The following TRAM2 variants were observed in gnomAD, a reference collection of about 807,000 sequenced individuals.
TRAM2 encodes translocating chain-associated membrane protein 2.
A neutral mutation model predicts 51.0 loss-of-function variants in TRAM2; 12 were observed. The observed-to-expected ratio is 0.24, with a 90% CI of 0.15 to 0.38. The LOEUF (loss-of-function observed/expected upper bound fraction) is 0.38, where lower values mean the gene tolerates loss of function less well. TRAM2 is among the 10% of genes least tolerant of loss of function. TRAM2 has a pLI of 1.00. For missense variants in TRAM2, 361 were observed against 462.0 expected (o/e 0.78, Z 2.00); for synonymous variants, 175 against 179.4 (o/e 0.98, Z 0.20).
chr6:52,534,457 T>C (rs1766945118), intron 2 of TRAM2, among the ~76,000 whole-genome samples: 1 of 152,208 alleles, frequency 6.6e-6, no homozygotes, highest in Admixed American at 6.5e-5. Context: ...GTCCTTCCTT[T>C]GTTCATCAAG....
chr6:52,561,916 T>A (rs1191359199), intron 1 of TRAM2, among the ~76,000 whole-genome samples: 1 of 152,216 alleles, frequency 6.6e-6, no homozygotes, highest in African/African-American at 2.4e-5. Context: ...CAAACAGGTT[T>A]CTTTTGAAGA....
chr6:52,522,863 AT>A (rs1445447533), intron 2 of TRAM2: 1 of 701,274 alleles, frequency 1.4e-6, no homozygotes, highest in Non-Finnish European at 2.6e-6. Flanking sequence ...ACTAATAGAT[AT>A]TTTCCTGTTT....
intron 1 of TRAM2, among the ~76,000 whole-genome samples, chr6:52,562,320 G>A (rs1464392828): frequency 6.6e-6 from 1 of 152,182 alleles, no homozygotes; most frequent in Non-Finnish European, 1.5e-5. Flanking sequence ...GGAGAAAGGA[G>A]GGCTTTCCAG....
chr6:52,569,390 A>T (rs1402308466), intron 1 of TRAM2, among the ~76,000 whole-genome samples: 8 of 1,064 alleles, frequency 7.5e-3, no homozygotes, highest in African/African-American at 0.024. Context: ...ACTCCATTTA[A>T]AAAAAAAAAA....
At chr6:52,570,679 C>T (rs937767942) in intron 1 of TRAM2, among the ~76,000 whole-genome samples, 2 of 152,006 alleles carry the variant, frequency 1.3e-5, no homozygotes, top group Admixed American at 6.6e-5. Flanking sequence ...ATGAGGAAAG[C>T]CGTCACGAGG....
chr6:52,515,592 C>A (rs781247777), intron 4 of TRAM2, among the ~76,000 whole-genome samples: 6 of 152,238 alleles, frequency 3.9e-5, no homozygotes, highest in South Asian at 4.1e-4. Context: ...CACAGAACCA[C>A]AGGCATACTG....
At chr6:52,512,259 G>A (rs1345708690) in intron 4 of TRAM2, among the ~76,000 whole-genome samples, 1 of 152,154 alleles carries the variant, frequency 6.6e-6, no homozygotes, top group African/African-American at 2.4e-5. Context: ...AAACAGGAAC[G>A]CTCCTTGGCT....
intron 7 of TRAM2, among the ~76,000 whole-genome samples, chr6:52,506,396 G>A (rs975655839): frequency 6.6e-5 from 10 of 152,256 alleles, no homozygotes; most frequent in African/African-American, 1.7e-4. Context: ...AGCAAACCTC[G>A]CATAGGCCCT....
intron 2 of TRAM2, among the ~76,000 whole-genome samples, chr6:52,522,348 C>G (rs375883159): frequency 1.3e-3 from 201 of 152,378 alleles, no homozygotes; most frequent in East Asian, 8.9e-3. Context: ...AGGAGAGGCG[C>G]AACCCAGTGG....
chr6:52,527,610 G>T (rs1438759358), intron 2 of TRAM2, among the ~76,000 whole-genome samples: 2 of 152,142 alleles, frequency 1.3e-5, no homozygotes, highest in Admixed American at 1.3e-4. Flanking sequence ...GCAGGTGCTG[G>T]CCACCGTTCC....
chr6:52,536,822 A>C (rs1766983698), intron 1 of TRAM2, among the ~76,000 whole-genome samples: 1 of 152,172 alleles, frequency 6.6e-6, no homozygotes, highest in South Asian at 2.1e-4. Context: ...CCAGGTGAGG[A>C]GGCAGCCCAG....
chr6:52,551,127 T>C (rs1767301139), intron 1 of TRAM2, among the ~76,000 whole-genome samples: 1 of 152,166 alleles, frequency 6.6e-6, no homozygotes, highest in Non-Finnish European at 1.5e-5. Flanking sequence ...AAGGGGGCCT[T>C]TACTGAGGCA....
intron 1 of TRAM2, among the ~76,000 whole-genome samples, chr6:52,557,875 G>T (rs928995466): frequency 6.6e-6 from 1 of 151,952 alleles, no homozygotes; most frequent in African/African-American, 2.4e-5. Flanking sequence ...CTGGGACTTC[G>T]GCCACGTCAC....
chr6:52,534,844 C>T (rs1052082090), intron 2 of TRAM2, among the ~76,000 whole-genome samples: 4 of 152,164 alleles, frequency 2.6e-5, no homozygotes, highest in African/African-American at 9.7e-5. Context: ...CCTTGCTGCT[C>T]CTTGAGCTGT....
intron 9 of TRAM2, 37 bp from the exon 10 acceptor site, chr6:52,504,791 TG>T: frequency 6.4e-7 from 1 of 1,555,998 alleles, no homozygotes. Flanking sequence ...GGCTGGGGCT[TG>T]GGCTCACAGC....
At position 52,505,718 on chromosome 6, in the gene TRAM2, A is replaced by C. The variant is rs1766335478; in HGVS notation, c.756T>G (p.Phe252Leu). The C allele has an allele frequency of 6.2e-7, 1 of 1,611,096 alleles. No individual in the cohort carries two copies. Residue 252 changes from phenylalanine (F) to leucine (L), a missense_variant, in exon 9 of 11, where the codon TTT becomes TTG. By Grantham distance (22) the Phe-to-Leu change is conservative. Coordinates refer to ENST00000182527, the MANE Select transcript of TRAM2 (RefSeq NM_012288.4). ...EKLFSAWAAVFGVTRLFILTL... is the reference protein window; with the variant it reads ...EKLFSAWAAVLGVTRLFILTL... The stretch of plus-strand genomic sequence containing the variant: ...TGAGGATGAAGAGGCGGGTAACCCC[A>C]AAAACAGCAGCCCAGGCACTGAACC...
intron 1 of TRAM2, among the ~76,000 whole-genome samples, chr6:52,541,803 G>GCT (rs374030146): frequency 1.4e-5 from 2 of 138,700 alleles, no homozygotes; most frequent in African/African-American, 5.3e-5. Flanking sequence ...AGTTTATTCT[G>GCT]TTTTTTTTTT....
At chr6:52,568,051 C>T (rs1562490495) in intron 1 of TRAM2, among the ~76,000 whole-genome samples, 1 of 152,208 alleles carries the variant, frequency 6.6e-6, no homozygotes, top group Non-Finnish European at 1.5e-5. Context: ...GGCCGCCGGA[C>T]ATTTGACACA....
intron 1 of TRAM2, among the ~76,000 whole-genome samples, chr6:52,537,065 T>C (rs1005706356): frequency 1.1e-4 from 17 of 152,114 alleles, no homozygotes; most frequent in African/African-American, 4.1e-4. Context: ...GAGACAACCC[T>C]CTCCTTTAAA....
Sources: allele counts gnomAD v4.1 joint callset (sites outside exome capture counted in the v4.1 genomes callset), GRCh38; gene constraint gnomAD v4.1.1; transcripts MANE v1.5; gene names NCBI Gene and HGNC (gene_info 2026-07-23, HGNC 2026-07-21).